Variants in FREM1 observed in about 807,000 individuals in gnomAD.
The protein encoded by FREM1 is FRAS1 related extracellular matrix 1.
FREM1 carries 220 observed loss-of-function variants against 210.1 expected under a neutral mutation model. That is an observed-to-expected ratio of 1.05 (90% CI 0.94 to 1.17). The LOEUF (loss-of-function observed/expected upper bound fraction) is 1.17. FREM1 is among the 50% of genes most tolerant of loss of function. The pLI is 0.00. For synonymous variants in FREM1, 1,189 were observed against 980.2 expected, an observed-to-expected ratio of 1.21 and a Z score of -3.98; for missense variants, 3,454 against 2,675.5, an observed-to-expected ratio of 1.29 and a Z score of -6.42.
At chr9:14,896,544 CAA>C (rs59464900) in intron 1 of FREM1, among the ~76,000 whole-genome samples, 17,667 of 81,656 alleles carry the variant, frequency 0.22, 1,117 homozygotes, top group Non-Finnish European at 0.28. Context: ...GACTCCATCT[CAA>C]AAAAAAAAAA....
At chr9:14,745,888 G>A (rs7865801) in intron 35 of FREM1, among the ~76,000 whole-genome samples, 95,621 of 151,992 alleles carry the variant, frequency 0.63, 30,265 homozygotes, top group African/African-American at 0.68. Context: ...AATCATTGCT[G>A]TATAATCGCA....
At chr9:14,821,278 G>A (rs760104654) in intron 13 of FREM1, among the ~76,000 whole-genome samples, 1 of 151,868 alleles carries the variant, frequency 6.6e-6, no homozygotes, top group Non-Finnish European at 1.5e-5. Context: ...CCCATATACT[G>A]TAAAAAGTAA....
At chr9:14,752,551 C>T (rs993242959) in intron 29 of FREM1, among the ~76,000 whole-genome samples, 1 of 152,128 alleles carries the variant, frequency 6.6e-6, no homozygotes, top group Admixed American at 6.5e-5. Context: ...AGTGGATTAG[C>T]AAAATGAACC....
At chr9:14,815,435 T>A (rs1820120499) in intron 15 of FREM1, among the ~76,000 whole-genome samples, 1 of 152,202 alleles carries the variant, frequency 6.6e-6, no homozygotes, top group African/African-American at 2.4e-5. Flanking sequence ...AATGAGTTCA[T>A]ATCACAAAGA....
At chr9:14,890,746 A>G (rs959681015) in intron 1 of FREM1, among the ~76,000 whole-genome samples, 2 of 152,220 alleles carry the variant, frequency 1.3e-5, no homozygotes, top group Non-Finnish European at 2.9e-5. Context: ...GTTTCTACAG[A>G]GGCCTTCTAC....
At chr9:14,818,989 A>G (rs1219063251) in intron 14 of FREM1, among the ~76,000 whole-genome samples, 1 of 152,164 alleles carries the variant, frequency 6.6e-6, no homozygotes, top group East Asian at 1.9e-4. Flanking sequence ...CGGCAATTAA[A>G]TTTTTATTGT....
intron 4 of FREM1, among the ~76,000 whole-genome samples, chr9:14,858,686 G>A (rs1238569327): frequency 2.0e-5 from 3 of 152,150 alleles, no homozygotes; most frequent in Admixed American, 2.0e-4. Flanking sequence ...GGTTGATTGA[G>A]TGAATAGCAG....
Position 14,851,569 on chromosome 9 carries a change from T to A in FREM1, c.867A>T (p.Gly289=). The change falls in exon 6 of 37, where the codon GGA becomes GGT. Residue 289 remains glycine, a synonymous_variant. Transcript: ENST00000380880. ...CAGCCTTTGGAATCTGATTCGGAAT[T>A]CCAGCTCTGATATAGACAGGCAGCC... ...SAWLPVYIRA[G]IPNQIPKAAF... The A allele has an allele frequency of 1.2e-6, 2 of 1,613,980 alleles. No homozygotes were observed. Among genetic ancestry groups the A allele is most frequent in the Non-Finnish European group, 1.7e-6 (2 of 1,179,846 alleles).
At chr9:14,895,644 G>A (rs965249783) in intron 1 of FREM1, among the ~76,000 whole-genome samples, 1 of 151,862 alleles carries the variant, frequency 6.6e-6, no homozygotes, top group Non-Finnish European at 1.5e-5. Context: ...ATATATTGCT[G>A]TTGTACTCTT....
At chr9:14,881,246 C>A (rs1834740907) in intron 1 of FREM1, among the ~76,000 whole-genome samples, 1 of 152,214 alleles carries the variant, frequency 6.6e-6, no homozygotes, top group South Asian at 2.1e-4. Context: ...GATTCAGAGT[C>A]AATTTCCTGG....
chr9:14,763,125 T>C (rs1845800813), intron 27 of FREM1, among the ~76,000 whole-genome samples: 1 of 152,184 alleles, frequency 6.6e-6, no homozygotes, highest in African/African-American at 2.4e-5. Flanking sequence ...GGCAATCGCT[T>C]CAAGTCATTT....
In FREM1 at chr9:14,780,134, TG is replaced by T. The variant is rs1393511466; in HGVS notation, c.4443-3932del. Among the ~76,000 whole-genome samples the T allele has an allele frequency of 9.8e-5, 15 of 152,310 alleles. No homozygotes were observed. The East Asian group carries it at 2.9e-3, about 29-fold the overall frequency. On this transcript the variant is annotated intron_variant, in intron 24 of 36. Transcript: ENST00000380880. ...TAAAACCATAAAGCCATTGCTATGTTGGTATCCATTCTGAGGTGAAGAAGTT... is the reference window on the plus strand; with the variant it reads ...TAAAACCATAAAGCCATTGCTATGTTGTATCCATTCTGAGGTGAAGAAGTT...
intron 16 of FREM1, among the ~76,000 whole-genome samples, chr9:14,809,344 G>A (rs551168617): frequency 3.9e-5 from 6 of 152,182 alleles, no homozygotes; most frequent in African/African-American, 1.4e-4. Flanking sequence ...CTAATACAGG[G>A]AGGAATTAAT....
At chr9:14,785,738 C>T (rs534451055) in intron 23 of FREM1, among the ~76,000 whole-genome samples, 1 of 151,900 alleles carries the variant, frequency 6.6e-6, no homozygotes, top group East Asian at 1.9e-4. Flanking sequence ...CTCATAGAGA[C>T]AGAACACAGG....
At chr9:14,822,714 G>A (rs1190628904) in intron 13 of FREM1, among the ~76,000 whole-genome samples, 1 of 152,102 alleles carries the variant, frequency 6.6e-6, no homozygotes, top group Non-Finnish European at 1.5e-5. Flanking sequence ...ACAGGGCAGT[G>A]GGGCAAAGTA....
chr9:14,778,268 A>G (rs1196705869), intron 24 of FREM1, among the ~76,000 whole-genome samples: 2 of 151,984 alleles, frequency 1.3e-5, no homozygotes, highest in Admixed American at 6.6e-5. Flanking sequence ...AAATTGGGCA[A>G]TTTCATTACT....
In FREM1 at chr9:14,756,456, G is replaced by A. The variant is rs1844386021; in HGVS notation, c.5335-10C>T. The A allele has an allele frequency of 5.3e-6, 8 of 1,523,640 alleles. No homozygotes were observed. Among genetic ancestry groups the A allele is most frequent in the South Asian group, 1.2e-5 (1 of 82,052 alleles). 94.4% of individuals were successfully genotyped at this position (1,523,640 alleles called of 1,614,324 possible). A position where few individuals can be genotyped will look rare whatever the true frequency, so the allele number is the denominator to read the frequency against. Reference sequence around the variant, plus strand: ...CTGACACTTGGTTGACCTTAGGAGGGAAAAAAAAATCTTTTTAAGATAAAA... The same window carrying A: ...CTGACACTTGGTTGACCTTAGGAGGAAAAAAAAAATCTTTTTAAGATAAAA... On this transcript the variant is annotated splice_polypyrimidine_tract_variant and intron_variant, in intron 28 of 36. Transcript: ENST00000380880.
chr9:14,759,709 A>G (rs1270239721), intron 28 of FREM1, 63 bp downstream of exon 28: 6 of 1,387,120 alleles, frequency 4.3e-6, no homozygotes, highest in South Asian at 1.7e-5. Context: ...AAAAAAATAT[A>G]ATGAAAGACA....
chr9:14,851,262 A>C (rs1827687380), intron 6 of FREM1, 22 bp downstream of exon 6: 1 of 1,534,520 alleles, frequency 6.5e-7, no homozygotes, highest in Non-Finnish European at 8.8e-7. Flanking sequence ...ACTAGGCTGG[A>C]AGCTTTGTCT....
Sources: allele counts gnomAD v4.1 joint callset (sites outside exome capture counted in the v4.1 genomes callset), GRCh38; gene constraint gnomAD v4.1.1; transcripts MANE v1.5; gene names NCBI Gene and HGNC (gene_info 2026-07-23, HGNC 2026-07-21).